The following WDR37 variants were observed in gnomAD, a reference collection of about 807,000 sequenced individuals.
WDR37 encodes WD repeat domain 37.
In WDR37, 19 loss-of-function variants were observed where a neutral mutation model predicts 62.9. The ratio of observed to expected loss-of-function variants is 0.30; its 90% CI spans 0.21 to 0.44. WDR37 has a LOEUF of 0.44. Ranked by LOEUF, WDR37 falls within the 20% of genes least tolerant of loss-of-function variation. The pLI is 1.00. For missense variants in WDR37, 474 were observed against 657.6 expected (o/e 0.72, Z 3.05); for synonymous variants, 250 against 260.9 (o/e 0.96, Z 0.40).
chr10:1,125,267 A>C (rs2131694549), intron 13 of WDR37, among the ~76,000 whole-genome samples: 1 of 151,344 alleles, frequency 6.6e-6, no homozygotes, highest in Admixed American at 6.6e-5. Context: ...CCCAGGCTGG[A>C]GTGCAGTGGC....
chr10:1,126,081 T>C (rs1052051617), intron 13 of WDR37, among the ~76,000 whole-genome samples: 3 of 151,978 alleles, frequency 2.0e-5, no homozygotes, highest in African/African-American at 7.2e-5. Flanking sequence ...CCCTGGGAGG[T>C]CACAGGGTCA....
At chr10:1,106,939 T>C (rs1301249886) in intron 11 of WDR37, among the ~76,000 whole-genome samples, 1 of 152,190 alleles carries the variant, frequency 6.6e-6, no homozygotes, top group Non-Finnish European at 1.5e-5. Flanking sequence ...CTGGGTCTGT[T>C]CTGGGGGCAT....
chr10:1,119,241 C>T (rs1835498815), intron 11 of WDR37, among the ~76,000 whole-genome samples: 1 of 152,168 alleles, frequency 6.6e-6, no homozygotes, highest in Non-Finnish European at 1.5e-5. Flanking sequence ...CAGAGCAGAG[C>T]AAGAGAACAC....
intron 11 of WDR37, among the ~76,000 whole-genome samples, chr10:1,118,452 A>G: frequency 6.9e-6 from 1 of 145,924 alleles, no homozygotes; most frequent in East Asian, 2.1e-4. Context: ...AGCCACCCTC[A>G]GCCAGCTCTG....
intron 13 of WDR37, 93 bp from the exon 14 acceptor site, chr10:1,129,120 A>G (rs1463483775): frequency 6.5e-7 from 1 of 1,545,414 alleles, no homozygotes; most frequent in African/African-American, 1.4e-5. Flanking sequence ...TAACTTACGT[A>G]CTTTGAGTGA....
intron 11 of WDR37, among the ~76,000 whole-genome samples, chr10:1,119,745 T>C (rs1181940538): frequency 1.3e-5 from 2 of 152,268 alleles, no homozygotes; most frequent in Admixed American, 6.5e-5. Flanking sequence ...CCTCCTCCTC[T>C]TCTGCACACT....
In WDR37 at chr10:1,072,258, A is replaced by G. The variant is rs1332168059; in HGVS notation, c.103A>G (p.Arg35Gly). 6.2e-7 allele frequency: 1 copy of G among 1,614,078 alleles called. No individual in the cohort carries two copies. Among genetic ancestry groups the G allele is most frequent in the Non-Finnish European group, 8.5e-7 (1 of 1,180,026 alleles). ...AAGAACTAACAGCTCGGAGCAGGAG[A>G]GGACGGGACTGCCAAGAGACATGTT... The part of the protein sequence containing the change: ...IRRTNSSEQE[R>G]TGLPRDMLEG... The change falls in exon 2 of 14, where the codon AGG becomes GGG. Residue 35 changes from arginine (R) to glycine (G), a missense_variant. Arg to Gly is a moderately radical substitution (Grantham distance 125). Coordinates refer to ENST00000263150, the MANE Select transcript of WDR37 (RefSeq NM_014023.4).
At chr10:1,127,935 G>T (rs1214736153) in intron 13 of WDR37, among the ~76,000 whole-genome samples, 1 of 152,250 alleles carries the variant, frequency 6.6e-6, no homozygotes, top group African/African-American at 2.4e-5. Context: ...TCTTCTGGAA[G>T]CTCTTTGGCA....
At chr10:1,095,023 A>ATG in intron 8 of WDR37, among the ~76,000 whole-genome samples, 1 of 149,584 alleles carries the variant, frequency 6.7e-6, no homozygotes, top group East Asian at 2.1e-4. Flanking sequence ...ACTGGGAAAC[A>ATG]TGAGGTAATG....
chr10:1,095,050 T>G (rs1834525220), intron 8 of WDR37, among the ~76,000 whole-genome samples: 1 of 142,268 alleles, frequency 7.0e-6, no homozygotes, highest in African/African-American at 2.7e-5. Flanking sequence ...GAGAGGAGAG[T>G]TAGACTGGGA....
chr10:1,070,875 T>G (rs1833707228), intron 1 of WDR37, among the ~76,000 whole-genome samples: 1 of 151,908 alleles, frequency 6.6e-6, no homozygotes, highest in Non-Finnish European at 1.5e-5. Context: ...AGTAAGGAGG[T>G]GTTAGGGCTA....
At chr10:1,074,368 C>T (rs1306322547) in intron 2 of WDR37, 11 of 1,274,354 alleles carry the variant, frequency 8.6e-6, no homozygotes, top group South Asian at 5.2e-5. Flanking sequence ...GTAACCCTCA[C>T]GAAGGTAGCT....
chr10:1,127,787 G>T (rs1172697832), intron 13 of WDR37, among the ~76,000 whole-genome samples: 1 of 152,246 alleles, frequency 6.6e-6, no homozygotes, highest in African/African-American at 2.4e-5. Context: ...GCGTCCTGGA[G>T]CACATCACGT....
In WDR37 at chr10:1,092,430, G is replaced by A. The variant is rs867542855; in HGVS notation, c.605-1022G>A. Among the ~76,000 whole-genome samples, 5 of 150,318 alleles carry A rather than the reference G, an allele frequency of 3.3e-5. No individual in the cohort carries two copies. The East Asian group carries it at 6.0e-4, about 18-fold the overall frequency. On this transcript the variant is annotated intron_variant, in intron 7 of 13. Transcript: ENST00000263150. The stretch of plus-strand genomic sequence containing the variant: ...CGCCCAGGCTGGAGTGCAGTGGCTC[G>A]CGGATCTTGGCTCACTGCAAGCTCT...
intron 7 of WDR37, among the ~76,000 whole-genome samples, chr10:1,087,794 C>T (rs552019158): frequency 1.6e-4 from 24 of 152,212 alleles, no homozygotes; most frequent in Non-Finnish European, 2.9e-4. Context: ...CAGCCGCATT[C>T]GCCCCTAACA....
In WDR37 at chr10:1,105,264, C is replaced by T. The variant is rs1160254878; in HGVS notation, c.1100C>T (p.Thr367Met). Reference sequence around the variant, plus strand: ...TCGGTGAATGTTTTCCAGGGACACACGGAGTGAGTTGCGGTAGTTTAGACA... The same window carrying T: ...TCGGTGAATGTTTTCCAGGGACACATGGAGTGAGTTGCGGTAGTTTAGACA... ...IHSVNVFQGH[T>M]DTVTSAVFTV... Residue 367 changes from threonine (T) to methionine (M), a missense_variant, in exon 11 of 14, where the codon ACG (threonine) becomes ATG (methionine). By Grantham distance (81) the Thr-to-Met change is moderately conservative. Transcript: ENST00000263150. This position sits in a 1 kb window ranked among gnomAD's most constrained non-coding sequence, Gnocchi z 5.3. The T allele has an allele frequency of 1.9e-6, 3 of 1,613,778 alleles. No individual in the cohort carries two copies. The highest frequency in any genetic ancestry group is 1.7e-6 in the Non-Finnish European group (2 of 1,179,868).
In WDR37 at chr10:1,124,891, T is replaced by G. The variant is rs772236910; in HGVS notation, c.1239-19T>G. 1.2e-6 allele frequency: 2 copies of G among 1,613,650 alleles called. No individual in the cohort carries two copies. The highest frequency in any genetic ancestry group is 1.7e-6 in the Non-Finnish European group (2 of 1,179,816). On this transcript the variant is annotated intron_variant, in intron 12 of 13. Coordinates refer to ENST00000263150, the MANE Select transcript of WDR37 (RefSeq NM_014023.4). ...TGTCACTGTTTCATGCACAACCCAC[T>G]TTTACCTCTTCTTTGCAGGATCAAT...
intron 7 of WDR37, among the ~76,000 whole-genome samples, chr10:1,092,059 G>T (rs10903364): frequency 6.6e-6 from 1 of 150,602 alleles, no homozygotes; most frequent in Non-Finnish European, 1.5e-5. Context: ...GGGCGCCTGT[G>T]GTCCCAGCTA....
At chr10:1,070,825 G>T (rs1309753586) in intron 1 of WDR37, among the ~76,000 whole-genome samples, 1 of 152,192 alleles carries the variant, frequency 6.6e-6, no homozygotes, top group Non-Finnish European at 1.5e-5. Flanking sequence ...GAACGCTAGT[G>T]ATTTTAAAAT....
Sources: allele counts gnomAD v4.1 joint callset (sites outside exome capture counted in the v4.1 genomes callset), GRCh38; gene constraint gnomAD v4.1.1; non-coding constraint Gnocchi (gnomAD v3.1); transcripts MANE v1.5; gene names NCBI Gene and HGNC (gene_info 2026-07-23, HGNC 2026-07-21).